The following VWA3B variants were observed in gnomAD, a reference collection of about 807,000 sequenced individuals.
The protein encoded by VWA3B is von Willebrand factor A domain containing 3B.
A neutral mutation model predicts 158.3 loss-of-function variants in VWA3B; 138 were observed. The observed-to-expected ratio is 0.87, with a 90% CI of 0.76 to 1.00. The LOEUF is 1.00. Among genes scored for constraint, VWA3B ranks in the 50% least tolerant of loss-of-function variants. The probability of loss-of-function intolerance (pLI) is 0.00; values close to 1 mark genes in which losing one functional copy is unlikely to be tolerated. For synonymous variants in VWA3B, 596 were observed against 587.3 expected, an observed-to-expected ratio of 1.01 and a Z score of -0.21; for missense variants, 1,555 against 1,565.1, an observed-to-expected ratio of 0.99 and a Z score of 0.11.
intron 9 of VWA3B, among the ~76,000 whole-genome samples, chr2:98,186,640 C>T (rs565086669): frequency 2.0e-5 from 3 of 152,124 alleles, no homozygotes; most frequent in African/African-American, 4.8e-5. Context: ...TCTCGGTGAA[C>T]GCTGTCGGTT....
chr2:98,217,021 A>G, intron 13 of VWA3B: 1 of 1,249,340 alleles, frequency 8.0e-7, no homozygotes, highest in South Asian at 1.3e-5. Flanking sequence ...CCTTCATGCT[A>G]AACTGGCATG....
intron 9 of VWA3B, among the ~76,000 whole-genome samples, chr2:98,185,550 T>C (rs1206426715): frequency 6.6e-6 from 1 of 152,222 alleles, no homozygotes; most frequent in Non-Finnish European, 1.5e-5. Context: ...GGCTGTCCTC[T>C]CCTCCTGAAA....
chr2:98,222,011 C>G (rs1336859280), intron 14 of VWA3B, among the ~76,000 whole-genome samples: 2 of 152,132 alleles, frequency 1.3e-5, no homozygotes, highest in Admixed American at 6.5e-5. Flanking sequence ...AATGGGAAGC[C>G]TCACCTCCAC....
chr2:98,093,595 A>G (rs1328489294), intron 2 of VWA3B, among the ~76,000 whole-genome samples: 1 of 152,206 alleles, frequency 6.6e-6, no homozygotes. Context: ...TACATTGTGA[A>G]TGGCTGTATC....
chr2:98,281,063 A>T (rs984476315), intron 22 of VWA3B, among the ~76,000 whole-genome samples: 1 of 152,136 alleles, frequency 6.6e-6, no homozygotes, highest in Admixed American at 6.6e-5. Flanking sequence ...CGCCCCGGAG[A>T]TGCTGGGCAG....
chr2:98,214,702 C>G (rs142647122), intron 13 of VWA3B, among the ~76,000 whole-genome samples: 1 of 152,166 alleles, frequency 6.6e-6, no homozygotes, highest in South Asian at 2.1e-4. Context: ...TCATAAAGAG[C>G]GTCCTCATTC....
At chr2:98,155,067 A>G (rs1017154646) in intron 7 of VWA3B, among the ~76,000 whole-genome samples, 9 of 152,208 alleles carry the variant, frequency 5.9e-5, no homozygotes, top group Admixed American at 2.0e-4. Flanking sequence ...GAAGAAGACA[A>G]ACTTACAGAT....
the VWA3B span, among the ~76,000 whole-genome samples, chr2:98,318,991 C>G: frequency 6.6e-6 from 1 of 152,278 alleles, no homozygotes; most frequent in East Asian, 1.9e-4. Context: ...GGTTCCACAT[C>G]CCACGAATAG....
In VWA3B at chr2:98,312,764, G is replaced by T; in HGVS notation, c.*415G>T. The T allele has an allele frequency of 6.1e-6, 1 of 164,580 alleles. No individual in the cohort carries two copies. Among genetic ancestry groups the T allele is most frequent in the Non-Finnish European group, 1.3e-5 (1 of 75,572 alleles). The allele number at this position is 164,580 out of a possible 1,614,324, so 10.2% of individuals were successfully genotyped here. A position where few individuals can be genotyped will look rare whatever the true frequency, so the allele number is the denominator to read the frequency against. On this transcript the variant is annotated 3_prime_UTR_variant, in exon 28 of 28. Coordinates refer to ENST00000477737, the MANE Select transcript of VWA3B (RefSeq NM_144992.5). ...TTAGAGAATTTGTCACCCAATATTAGGACTGAAATTCAGACTCGGTAACTT... is the reference window on the plus strand; with the variant it reads ...TTAGAGAATTTGTCACCCAATATTATGACTGAAATTCAGACTCGGTAACTT...
At chr2:98,211,568 T>C (rs878945545) in intron 12 of VWA3B, among the ~76,000 whole-genome samples, 2 of 152,234 alleles carry the variant, frequency 1.3e-5, no homozygotes, top group Admixed American at 1.3e-4. Flanking sequence ...TTGAAACCAT[T>C]ATGATGCCAC....
At chr2:98,265,128 G>A (rs1687721653) in intron 21 of VWA3B, among the ~76,000 whole-genome samples, 1 of 150,944 alleles carries the variant, frequency 6.6e-6, no homozygotes, top group Admixed American at 6.6e-5. Context: ...GTGCCATGCT[G>A]GTGCGCTGCA....
chr2:98,145,834 C>T (rs2105132698), intron 7 of VWA3B, among the ~76,000 whole-genome samples: 1 of 152,180 alleles, frequency 6.6e-6, no homozygotes, highest in Admixed American at 6.5e-5. Context: ...ATCTTCCTGC[C>T]TCAGCCTTCT....
intron 26 of VWA3B, 81 bp from the exon 27 acceptor site, chr2:98,311,738 C>A: frequency 7.0e-7 from 1 of 1,436,868 alleles, no homozygotes. Flanking sequence ...AGCTGAGAAG[C>A]AGCCGTGGGG....
intron 21 of VWA3B, among the ~76,000 whole-genome samples, chr2:98,270,431 G>A (rs1688125780): frequency 6.6e-6 from 1 of 152,184 alleles, no homozygotes; most frequent in African/African-American, 2.4e-5. Flanking sequence ...ATAACCTAAT[G>A]AGGTAATAGG....
At chr2:98,255,970 A>T (rs1687108381) in intron 20 of VWA3B, among the ~76,000 whole-genome samples, 154 bp from the exon 21 acceptor site, 1 of 152,146 alleles carries the variant, frequency 6.6e-6, no homozygotes, top group African/African-American at 2.4e-5. Context: ...AGTGATGCTG[A>T]GGTGACACAT....
chr2:98,203,907 G>T (rs757103839), intron 12 of VWA3B, among the ~76,000 whole-genome samples: 1 of 152,058 alleles, frequency 6.6e-6, no homozygotes, highest in African/African-American at 2.4e-5. Flanking sequence ...AAAATAAATG[G>T]TAAAAATCAT....
At chr2:98,266,211 T>C (rs1331466517) in intron 21 of VWA3B, among the ~76,000 whole-genome samples, 3 of 151,856 alleles carry the variant, frequency 2.0e-5, no homozygotes, top group African/African-American at 7.3e-5. Context: ...CATCTTGAAT[T>C]AATTTTTGTA....
chr2:98,296,836 A>G (rs1195401660), intron 23 of VWA3B, among the ~76,000 whole-genome samples: 2 of 151,938 alleles, frequency 1.3e-5, no homozygotes, highest in African/African-American at 4.8e-5. Context: ...ATCTTAACAC[A>G]GGTATTTTCT....
chr2:98,250,344 C>G lies in VWA3B; in HGVS notation c.2700C>G (p.Asn900Lys), dbSNP rs780619003. 6.2e-7 allele frequency: 1 copy of G among 1,612,490 alleles called. No individual in the cohort carries two copies. The change falls in exon 20 of 28, where the codon AAC (asparagine) becomes AAG (lysine). Residue 900 changes from asparagine (N) to lysine (K), a missense_variant. Coordinates refer to ENST00000477737, the MANE Select transcript of VWA3B (RefSeq NM_144992.5). ...TGTTCCCTCTGGCACATGTGTGCAA[C>G]GACACAAATAAGATGACATTAATTA... ...DEVFPLAHVC[N>K]DTNKMTLINP...
Sources: gnomAD v4.1 joint callset for allele counts (sites outside exome capture counted in the v4.1 genomes callset) on GRCh38, gnomAD v4.1.1 for gene constraint, MANE v1.5 for transcripts, NCBI Gene and HGNC (gene_info 2026-07-23, HGNC 2026-07-21) for gene names.